Variants in RNF152 observed in about 807,000 individuals in gnomAD.
RNF152 encodes ring finger protein 152, also known as E3 ubiquitin-protein ligase RNF152.
A neutral mutation model predicts 12.7 loss-of-function variants in RNF152; 11 were observed. That is an observed-to-expected ratio of 0.86 (90% confidence interval 0.54 to 1.43). The LOEUF is 1.43. RNF152 is among the 40% of genes most tolerant of loss of function. The pLI is 0.00. For missense variants in RNF152, 255 were observed against 274.8 expected (o/e 0.93, Z 0.51); for synonymous variants, 113 against 120.3 (o/e 0.94, Z 0.40).
At chr18:61,834,498 G>A (rs1278007280) in intron 1 of RNF152, among the ~76,000 whole-genome samples, 1 of 152,196 alleles carries the variant, frequency 6.6e-6, no homozygotes, top group Non-Finnish European at 1.5e-5. Context: ...CCAGCATCTA[G>A]CCAACTGATG....
chr18:61,844,057 GAGA>G, intron 1 of RNF152, among the ~76,000 whole-genome samples: 1 of 131,540 alleles, frequency 7.6e-6, no homozygotes, highest in Admixed American at 8.0e-5. Flanking sequence ...AAAAAAGAAA[GAGA>G]GAAAGACAGA....
At chr18:61,863,854 G>A (rs1224414583) in intron 1 of RNF152, among the ~76,000 whole-genome samples, 1 of 152,196 alleles carries the variant, frequency 6.6e-6, no homozygotes, top group East Asian at 1.9e-4. Context: ...GGTGTCCAAG[G>A]TAAGGACAGG....
At chr18:61,833,584 G>A (rs949573974) in intron 1 of RNF152, among the ~76,000 whole-genome samples, 2 of 152,188 alleles carry the variant, frequency 1.3e-5, no homozygotes, top group African/African-American at 4.8e-5. Flanking sequence ...TCCTGAGGAA[G>A]TGATTCTAGG....
At chr18:61,865,154 T>C (rs1210493799) in intron 1 of RNF152, among the ~76,000 whole-genome samples, 1 of 152,232 alleles carries the variant, frequency 6.6e-6, no homozygotes, top group Non-Finnish European at 1.5e-5. Context: ...TTTCTTATTA[T>C]ATCACAATAT....
chr18:61,873,493 G>C (rs373015019), intron 1 of RNF152, among the ~76,000 whole-genome samples: 2 of 151,990 alleles, frequency 1.3e-5, no homozygotes, highest in African/African-American at 4.8e-5. Context: ...ACGCCACCAC[G>C]CCTGGCTAAT....
At chr18:61,830,047 A>G (rs1326827408) in intron 1 of RNF152, among the ~76,000 whole-genome samples, 1 of 148,362 alleles carries the variant, frequency 6.7e-6, no homozygotes, top group Admixed American at 6.7e-5. Context: ...TTTGAGACAG[A>G]GTCTCACTCT....
At chr18:61,894,150 C>T (rs1336702508), upstream of RNF152, 1 of 152,240 alleles carries the variant, frequency 6.6e-6, no homozygotes, top group Non-Finnish European at 1.5e-5. This position sits in a 1 kb window ranked among gnomAD's most constrained non-coding sequence, Gnocchi z 4.9. Context: ...ACTCACTGAC[C>T]TTTCTCCGCG....
In RNF152 at chr18:61,808,293, G is replaced by A. The variant is rs1423828094; in HGVS notation, c.*7559C>T. The stretch of plus-strand genomic sequence containing the variant: ...CATTCAGATTTATAAACAGCAGCTT[G>A]ATATCCCCTTTACGAAGTCAATATT... On this transcript the variant is annotated 3_prime_UTR_variant, in exon 2 of 2. Coordinates refer to ENST00000312828, the MANE Select transcript of RNF152 (RefSeq NM_173557.3). 1.4e-5 allele frequency: 2 copies of A among 143,106 alleles called. No homozygotes were observed. The highest frequency in any genetic ancestry group is 3.0e-5 in the Non-Finnish European group (2 of 66,672). The allele number at this position is 143,106 out of a possible 1,614,324, so 8.9% of individuals were successfully genotyped here.
intron 1 of RNF152, among the ~76,000 whole-genome samples, chr18:61,831,871 A>G (rs2144650779): frequency 6.6e-6 from 1 of 152,198 alleles, no homozygotes; most frequent in African/African-American, 2.4e-5. Flanking sequence ...TTAAAAAATT[A>G]TGTAACCTAT....
chr18:61,879,739 G>A (rs1161682902), intron 1 of RNF152, among the ~76,000 whole-genome samples: 5 of 151,994 alleles, frequency 3.3e-5, no homozygotes, highest in Admixed American at 1.3e-4. Flanking sequence ...TGAGGCAGGC[G>A]AATCACCTGA....
In RNF152 at chr18:61,878,154, A is replaced by G. The variant is rs547259827; in HGVS notation, c.-136+14641T>C. On this transcript the variant is annotated intron_variant, in intron 1 of 1. Transcript: ENST00000312828. ...GAGAACCAGTCACATGGCCCCACCTAGGTACAGAAAGTAGTATAGTCGAGT... is the reference window on the plus strand; with the variant it reads ...GAGAACCAGTCACATGGCCCCACCTGGGTACAGAAAGTAGTATAGTCGAGT... 3.1e-4 allele frequency among the ~76,000 whole-genome samples: 47 copies of G among 152,320 alleles called. 1 individual carries two copies. The highest frequency in any genetic ancestry group is 1.1e-3 in the African/African-American group (46 of 41,576).
chr18:61,839,800 C>A (rs1393685799), intron 1 of RNF152, among the ~76,000 whole-genome samples: 1 of 152,148 alleles, frequency 6.6e-6, no homozygotes, highest in Non-Finnish European at 1.5e-5. Flanking sequence ...GAGGCTGAGG[C>A]AGGAGAATGG....
chr18:61,817,505 C>CA (rs1909168925), intron 1 of RNF152, among the ~76,000 whole-genome samples: 1 of 152,104 alleles, frequency 6.6e-6, no homozygotes. Context: ...CAAATGACAT[C>CA]AAAAATACAG....
chr18:61,861,309 T>C (rs973144268), intron 1 of RNF152, among the ~76,000 whole-genome samples: 14 of 152,224 alleles, frequency 9.2e-5, no homozygotes, highest in Non-Finnish European at 1.9e-4. Context: ...AATATTTTTA[T>C]TGTATCTCTT....
intron 1 of RNF152, among the ~76,000 whole-genome samples, chr18:61,879,792 C>T (rs983258808): frequency 1.3e-5 from 2 of 151,802 alleles, no homozygotes; most frequent in African/African-American, 2.4e-5. Flanking sequence ...GGAGAAACCC[C>T]ATCTCTACTG....
intron 1 of RNF152, among the ~76,000 whole-genome samples, chr18:61,855,249 A>C (rs537841554): frequency 4.6e-5 from 7 of 152,396 alleles, no homozygotes; most frequent in African/African-American, 1.7e-4. Context: ...ATGTCATTGT[A>C]AGAGAATTCT....
chr18:61,825,038 C>T (rs1239381565), intron 1 of RNF152, among the ~76,000 whole-genome samples: 3 of 152,186 alleles, frequency 2.0e-5, no homozygotes, highest in East Asian at 1.9e-4. Flanking sequence ...ACAAATCAAG[C>T]ACACAGGGAA....
intron 1 of RNF152, among the ~76,000 whole-genome samples, chr18:61,883,452 A>G (rs1308464583): frequency 1.3e-5 from 2 of 152,126 alleles, no homozygotes; most frequent in African/African-American, 4.8e-5. Flanking sequence ...CAAGGCTACA[A>G]TGTTTTTTCC....
chr18:61,844,114 G>GAAA (rs771229653), intron 1 of RNF152, among the ~76,000 whole-genome samples: 2 of 125,196 alleles, frequency 1.6e-5, no homozygotes, highest in African/African-American at 5.5e-5. Context: ...AAGAAAGAAA[G>GAAA]AAAGAAAGAA....
Sources: gnomAD v4.1 joint callset for allele counts (sites outside exome capture counted in the v4.1 genomes callset) on GRCh38, gnomAD v4.1.1 for gene constraint, Gnocchi (gnomAD v3.1) non-coding constraint, MANE v1.5 for transcripts, NCBI Gene and HGNC (gene_info 2026-07-23, HGNC 2026-07-21) for gene names.